The following CNTN6 variants were observed in gnomAD, a reference collection of about 807,000 sequenced individuals.
The protein encoded by CNTN6 is contactin 6, also known as contactin-6.
In CNTN6, 137 loss-of-function variants were observed where a neutral mutation model predicts 122.8. The observed-to-expected ratio is 1.12, with a 90% CI of 0.97 to 1.29. CNTN6 has a LOEUF of 1.29. Ranked by LOEUF, CNTN6 falls within the 50% of genes most tolerant of loss-of-function variation. The pLI is 0.00. For missense variants in CNTN6, 1,634 were observed against 1,223.4 expected (o/e 1.34, Z -5.01); for synonymous variants, 570 against 426.0 (o/e 1.34, Z -4.16).
At chr3:1,243,422 A>G (rs143728276) in intron 4 of CNTN6, among the ~76,000 whole-genome samples, 8,768 of 151,780 alleles carry the variant, frequency 0.058, 341 homozygotes, top group East Asian at 0.14. Flanking sequence ...CACCTTGAAG[A>G]CGAGGTTAAT....
At chr3:1,195,185 T>G (rs1468152262) in intron 2 of CNTN6, among the ~76,000 whole-genome samples, 1 of 152,146 alleles carries the variant, frequency 6.6e-6, no homozygotes, top group Non-Finnish European at 1.5e-5. Context: ...CTTCTTACAT[T>G]GTATTCTTTT....
chr3:1,385,497 A>G lies in CNTN6; in HGVS notation c.2518-114A>G, dbSNP rs571224256. On this transcript the variant is annotated intron_variant, in intron 19 of 22. Coordinates refer to ENST00000446702, the MANE Select transcript of CNTN6 (RefSeq NM_001289080.2). ...TAATTAGAAAACGTTTTTGTCATCT[A>G]TACTTCTGTCTTCTTCCCATATTCC... 114 of 721,652 alleles carry G rather than the reference A, an allele frequency of 1.6e-4. 1 individual carries two copies. In the South Asian group the frequency reaches 3.0e-3, roughly 19 times the overall value. The allele number at this position is 721,652 out of a possible 1,614,324, so 44.7% of individuals were successfully genotyped here.
At chr3:1,390,073 A>G (rs1693872381) in intron 20 of CNTN6, among the ~76,000 whole-genome samples, 1 of 152,080 alleles carries the variant, frequency 6.6e-6, no homozygotes, top group African/African-American at 2.4e-5. Flanking sequence ...ATAGACATCT[A>G]CAGAACTCTC....
At chr3:1,319,854 A>G (rs950828709) in intron 7 of CNTN6, among the ~76,000 whole-genome samples, 5 of 150,344 alleles carry the variant, frequency 3.3e-5, no homozygotes, top group Non-Finnish European at 5.9e-5. Flanking sequence ...AAAATAAAAT[A>G]AAATAAAATA....
intron 2 of CNTN6, among the ~76,000 whole-genome samples, chr3:1,152,019 TA>T (rs561633359): frequency 1.0e-3 from 156 of 152,362 alleles, no homozygotes; most frequent in Admixed American, 1.7e-3. Context: ...ATAATTTGGA[TA>T]ACCAAATTAA....
At chr3:1,289,574 T>C (rs1473718373) in intron 5 of CNTN6, among the ~76,000 whole-genome samples, 4 of 151,872 alleles carry the variant, frequency 2.6e-5, no homozygotes, top group Admixed American at 1.3e-4. Context: ...CAAACGCAAA[T>C]ATACAAGGTG....
intron 1 of CNTN6, among the ~76,000 whole-genome samples, chr3:1,140,360 A>AG (rs1453915293): frequency 1.3e-5 from 2 of 152,116 alleles, no homozygotes; most frequent in Admixed American, 6.6e-5. Flanking sequence ...GTCACATAGT[A>AG]GGGGGGGACC....
intron 2 of CNTN6, among the ~76,000 whole-genome samples, chr3:1,172,737 A>G (rs2093380829): frequency 6.6e-6 from 1 of 152,118 alleles, no homozygotes; most frequent in South Asian, 2.1e-4. Flanking sequence ...AGTGGATCAC[A>G]TATTCTTGAA....
intron 4 of CNTN6, among the ~76,000 whole-genome samples, chr3:1,270,517 G>T (rs1189878396): frequency 2.6e-5 from 4 of 152,014 alleles, no homozygotes; most frequent in Admixed American, 2.6e-4. Context: ...GCATTTCTTT[G>T]CCCCGCAAAA....
chr3:1,135,911 G>A (rs973763202), intron 1 of CNTN6, among the ~76,000 whole-genome samples: 20 of 152,104 alleles, frequency 1.3e-4, no homozygotes, highest in African/African-American at 4.8e-4. Context: ...AAAATCACTT[G>A]AACCTGGGAG....
intron 4 of CNTN6, among the ~76,000 whole-genome samples, chr3:1,263,645 C>A (rs1314337098): frequency 6.6e-6 from 1 of 152,120 alleles, no homozygotes; most frequent in East Asian, 1.9e-4. Context: ...ATTTTGTATG[C>A]ATTCACTCGC....
chr3:1,361,178 C>T (rs1707410234), intron 12 of CNTN6, among the ~76,000 whole-genome samples: 1 of 152,092 alleles, frequency 6.6e-6, no homozygotes, highest in Non-Finnish European at 1.5e-5. Flanking sequence ...CGCTGCCTTG[C>T]ACCACACACA....
At chr3:1,223,193 G>A (rs914059846) in intron 3 of CNTN6, among the ~76,000 whole-genome samples, 2 of 152,122 alleles carry the variant, frequency 1.3e-5, no homozygotes, top group Non-Finnish European at 2.9e-5. Flanking sequence ...GAGGTTACCT[G>A]GGTATAGTGT....
chr3:1,131,449 G>A (rs956218786), intron 1 of CNTN6, among the ~76,000 whole-genome samples: 2 of 151,888 alleles, frequency 1.3e-5, no homozygotes, highest in Non-Finnish European at 1.5e-5. Context: ...ATGGGAGTAT[G>A]AGTGTTCAAT....
intron 1 of CNTN6, among the ~76,000 whole-genome samples, chr3:1,108,313 G>T (rs1348903414): frequency 6.6e-6 from 1 of 151,858 alleles, no homozygotes; most frequent in African/African-American, 2.4e-5. Context: ...AGATATCTTG[G>T]GGATTGGGAC....
rs150719225 is a variant in CNTN6, at chr3:1,141,682, G to A, written c.-82-6245G>A. On this transcript the variant is annotated intron_variant, in intron 1 of 22. Coordinates refer to ENST00000446702, the MANE Select transcript of CNTN6 (RefSeq NM_001289080.2). ...GTATTAATGCACATAATTCTCCAGC[G>A]TCCAAGTCCATGTAACCTAGATGTA... 7.2e-4 allele frequency among the ~76,000 whole-genome samples: 109 copies of A among 152,204 alleles called. No homozygotes were observed. In the East Asian group the frequency reaches 7.7e-3, roughly 11 times the overall value.
intron 2 of CNTN6, among the ~76,000 whole-genome samples, chr3:1,211,421 A>G (rs972440662): frequency 6.6e-6 from 1 of 152,166 alleles, no homozygotes; most frequent in African/African-American, 2.4e-5. Context: ...GCACTTTTGT[A>G]GTTCTGGAGA....
intron 8 of CNTN6, among the ~76,000 whole-genome samples, chr3:1,324,966 AGCG>A: frequency 6.6e-6 from 1 of 151,498 alleles, no homozygotes; most frequent in African/African-American, 2.4e-5. Flanking sequence ...GTCCAAGGGA[AGCG>A]TCATATACTT....
rs201949693 is a variant in CNTN6, at chr3:1,265,044, C to CTTTTTTTTTT, written c.359-13359_359-13350dup. On this transcript the variant is annotated intron_variant, in intron 4 of 22. Coordinates refer to ENST00000446702, the MANE Select transcript of CNTN6 (RefSeq NM_001289080.2). ...ATGTTGCCACAAATGACCGAATTTC[C>CTTTTTTTTTT]TTTTTTTTTTTTTTTTTTTGGCTGG... Among the ~76,000 whole-genome samples the CTTTTTTTTTT allele has an allele frequency of 8.4e-4, 85 of 100,728 alleles. 1 individual carries two copies. Among genetic ancestry groups the CTTTTTTTTTT allele is most frequent in the African/African-American group, 2.7e-3 (72 of 26,232 alleles). 66.1% of individuals were successfully genotyped at this position (100,728 alleles called of 152,430 possible). A position where few individuals can be genotyped will look rare whatever the true frequency, so the allele number is the denominator to read the frequency against.
Sources: gnomAD v4.1 joint callset for allele counts (sites outside exome capture counted in the v4.1 genomes callset) on GRCh38, gnomAD v4.1.1 for gene constraint, MANE v1.5 for transcripts, NCBI Gene and HGNC (gene_info 2026-07-23, HGNC 2026-07-21) for gene names.